Variants in EPM2A observed in about 807,000 individuals in gnomAD.
The protein encoded by EPM2A is laforin.
In EPM2A, 21 loss-of-function variants were observed where a neutral mutation model predicts 26.5. That is an observed-to-expected ratio of 0.79 (90% CI 0.56 to 1.14). The LOEUF is 1.14. Ranked by LOEUF, EPM2A falls within the 50% of genes most tolerant of loss-of-function variation. The pLI is 0.00. For synonymous variants in EPM2A, 217 were observed against 177.6 expected (o/e 1.22, Z -1.76); for missense variants, 458 against 440.8 (o/e 1.04, Z -0.35).
chr6:145,625,462 C>A lies in EPM2A; in HGVS notation c.*1954G>T. ...AGCAAAAGGAACAAAGGTAAAAATC[C>A]ACCTGAAAAAAGATCTTTGTATCAT... On this transcript the variant is annotated 3_prime_UTR_variant, in exon 4 of 4. Transcript: ENST00000367519. 1 of 503,912 alleles carries A rather than the reference C, an allele frequency of 2.0e-6. No homozygotes were observed. Among genetic ancestry groups the A allele is most frequent in the Non-Finnish European group, 3.5e-6 (1 of 283,152 alleles). 31.2% of individuals were successfully genotyped at this position (503,912 alleles called of 1,614,324 possible).
chr6:145,549,277 T>C lies in EPM2A; in HGVS notation c.341-46702A>G, dbSNP rs190208144. On this transcript the variant is annotated intron_variant, in intron 2 of 3. Transcript: ENST00000450221. The stretch of plus-strand genomic sequence containing the variant: ...AGACAAAAGGCAATTTTACTCCAAA[T>C]GCCATCCTTATTTTTGGTTTGAAAT... 2.0e-5 allele frequency among the ~76,000 whole-genome samples: 3 copies of C among 152,288 alleles called. No individual in the cohort carries two copies. The East Asian group carries it at 5.8e-4, about 29-fold the overall frequency.
chr6:145,652,561 C>T (rs1370696054), intron 2 of EPM2A, among the ~76,000 whole-genome samples: 2 of 151,762 alleles, frequency 1.3e-5, no homozygotes, highest in Non-Finnish European at 2.9e-5. Context: ...CTAATATATC[C>T]ATATAGCCAG....
At chr6:145,665,948 T>C (rs1388055638) in intron 2 of EPM2A, among the ~76,000 whole-genome samples, 3 of 150,316 alleles carry the variant, frequency 2.0e-5, no homozygotes, top group South Asian at 4.3e-4. Flanking sequence ...GAAAAAGCCT[T>C]TGACAAAATT....
chr6:145,551,496 G>T (rs1305377594), intron 2 of EPM2A, among the ~76,000 whole-genome samples: 2 of 151,968 alleles, frequency 1.3e-5, no homozygotes, highest in African/African-American at 4.8e-5. Flanking sequence ...AATTTTCCTG[G>T]CTTGATTTTG....
intron 2 of EPM2A, among the ~76,000 whole-genome samples, chr6:145,557,505 C>T (rs1780744560): frequency 2.0e-5 from 3 of 151,926 alleles, no homozygotes; most frequent in Non-Finnish European, 4.4e-5. Flanking sequence ...GTCATGTTAC[C>T]TTCTGTTTTA....
At chr6:145,641,334 G>T (rs768530584) in intron 2 of EPM2A, 1 of 152,120 alleles carries the variant, frequency 6.6e-6, no homozygotes, top group Non-Finnish European at 1.5e-5. Flanking sequence ...ATAAGAGGGG[G>T]GTTTCAACAC....
chr6:145,511,028 C>T (rs372728397), intron 2 of EPM2A, among the ~76,000 whole-genome samples: 2 of 152,168 alleles, frequency 1.3e-5, no homozygotes, highest in African/African-American at 4.8e-5. Flanking sequence ...ACACAACTTC[C>T]CATGATTGAA....
intron 4 of EPM2A, among the ~76,000 whole-genome samples, chr6:145,475,797 T>TAC (rs1296220209): frequency 1.3e-4 from 20 of 151,482 alleles, no homozygotes; most frequent in South Asian, 2.1e-4. Context: ...ATACAATGGA[T>TAC]ACACACACAC....
rs1243889138 is a variant in EPM2A at position 145,686,164 on chromosome 6, A to C, written c.434T>G (p.Phe145Cys). 2.5e-6 allele frequency: 4 copies of C among 1,613,902 alleles called. No individual in the cohort carries two copies. Among genetic ancestry groups the C allele is most frequent in the Non-Finnish European group, 3.4e-6 (4 of 1,179,936 alleles). The change falls in exon 2 of 4, where the codon TTC becomes TGC. Residue 145 changes from phenylalanine to cysteine, a missense_variant. Transcript: ENST00000367519. ...HTNEMKHTTD[F>C]YFNIAGHQAM... Reference sequence around the variant, plus strand: ...TTGGTGGCCTGCAATATTAAAATAGAAGTCTGTTGTGTGCTTCATTTCATT... The same window carrying C: ...TTGGTGGCCTGCAATATTAAAATAGCAGTCTGTTGTGTGCTTCATTTCATT...
chr6:145,549,171 A>G (rs1171878940), intron 2 of EPM2A, among the ~76,000 whole-genome samples: 1 of 152,148 alleles, frequency 6.6e-6, no homozygotes, highest in Non-Finnish European at 1.5e-5. Flanking sequence ...CCAAAAAGTG[A>G]TAAAATATAT....
At chr6:145,545,436 T>C (rs1257211288) in intron 2 of EPM2A, among the ~76,000 whole-genome samples, 1 of 152,148 alleles carries the variant, frequency 6.6e-6, no homozygotes, top group Non-Finnish European at 1.5e-5. Flanking sequence ...TGGCCAAACC[T>C]ACCATCAAGT....
At chr6:145,470,921 G>A (rs1779465090) in intron 4 of EPM2A, among the ~76,000 whole-genome samples, 1 of 152,092 alleles carries the variant, frequency 6.6e-6, no homozygotes, top group Non-Finnish European at 1.5e-5. Flanking sequence ...TATATCTGTG[G>A]GTAGGCTGCA....
At chr6:145,460,577 T>C (rs1779317388) in intron 4 of EPM2A, among the ~76,000 whole-genome samples, 1 of 152,108 alleles carries the variant, frequency 6.6e-6, no homozygotes, top group African/African-American at 2.4e-5. Flanking sequence ...ATTATTACCC[T>C]TTGTTTCCTG....
At chr6:145,619,688 T>C (rs1209098832) in intron 2 of EPM2A, among the ~76,000 whole-genome samples, 2 of 152,130 alleles carry the variant, frequency 1.3e-5, no homozygotes, top group African/African-American at 2.4e-5. Context: ...CCCACCAACA[T>C]TTCTTTTTTG....
Position 145,400,460 on chromosome 6 carries a change from G to A in EPM2A, c.556-16363C>T, listed in dbSNP as rs539926943. 8.1e-4 allele frequency among the ~76,000 whole-genome samples: 123 copies of A among 152,194 alleles called. 1 individual carries two copies. Among genetic ancestry groups the A allele is most frequent in the African/African-American group, 2.8e-3 (115 of 41,538 alleles). On this transcript the variant is annotated intron_variant, in intron 4 of 4. Transcript: ENST00000638717. ...CATTCAAAAGATTTGTTCTACTGAT[G>A]ATTTCCATCAATTGCCTAATATTGA...
chr6:145,458,534 T>C (rs1234839467), intron 4 of EPM2A, among the ~76,000 whole-genome samples: 1 of 152,144 alleles, frequency 6.6e-6, no homozygotes, highest in African/African-American at 2.4e-5. Flanking sequence ...TTGCCTCCTA[T>C]AAATCACGAT....
At chr6:145,644,511 T>C (rs73577378) in intron 2 of EPM2A, among the ~76,000 whole-genome samples, 2,367 of 152,236 alleles carry the variant, frequency 0.016, 57 homozygotes, top group African/African-American at 0.053. Context: ...TTAAAATTTA[T>C]GGGGCATCAA....
At chr6:145,612,546 A>G (rs887500354) in intron 2 of EPM2A, among the ~76,000 whole-genome samples, 2 of 152,050 alleles carry the variant, frequency 1.3e-5, no homozygotes, top group Non-Finnish European at 2.9e-5. Context: ...GAAATGTAAT[A>G]CAATCAACAA....
chr6:145,589,705 C>T (rs6570693), intron 2 of EPM2A, among the ~76,000 whole-genome samples: 65,143 of 151,650 alleles, frequency 0.43, 14,536 homozygotes, highest in African/African-American at 0.52. Context: ...TGGCGAGGAC[C>T]TCAATCTTGG....
Sources: gnomAD v4.1 joint callset for allele counts (sites outside exome capture counted in the v4.1 genomes callset) on GRCh38, gnomAD v4.1.1 for gene constraint, MANE v1.5 for transcripts, NCBI Gene and HGNC (gene_info 2026-07-23, HGNC 2026-07-21) for gene names.